MZT2A: variants seen among roughly 807,000 people sequenced by gnomAD.
MZT2A encodes mitotic-spindle organizing protein 2A.
MZT2A carries 8 observed loss-of-function variants against 12.4 expected under a neutral mutation model. That is an observed-to-expected ratio of 0.64 (90% CI 0.38 to 1.16). The LOEUF is 1.16. MZT2A is among the 50% of genes most tolerant of loss of function. The pLI is 0.01. For missense variants in MZT2A, 181 were observed against 223.6 expected (o/e 0.81, Z 1.22); for synonymous variants, 88 against 107.5 (o/e 0.82, Z 1.12).
Position 131,488,857 on chromosome 2 carries a change from G to A in MZT2A, c.319+3019C>T, listed in dbSNP as rs1679165201. 3.3e-5 allele frequency among the ~76,000 whole-genome samples: 5 copies of A among 152,078 alleles called. No individual in the cohort carries two copies. The South Asian group carries it at 1.0e-3, about 32-fold the overall frequency. ...CCCTCGAGAAACAAATGACCCTGAG[G>A]GGCCCAGCACTCCAGGCCACTCCTG... On this transcript the variant is annotated intron_variant, in intron 2 of 2. Transcript: ENST00000309451.
chr2:131,487,939 G>C (rs1038767793), intron 2 of MZT2A, among the ~76,000 whole-genome samples: 1 of 147,140 alleles, frequency 6.8e-6, no homozygotes, highest in Non-Finnish European at 1.5e-5. Context: ...GCTAATTTTT[G>C]TATGTTTTGT....
upstream of MZT2A, chr2:131,492,790 T>C (rs1239863399): frequency 3.6e-4 from 236 of 663,394 alleles, 2 homozygotes; most frequent in Non-Finnish European, 4.8e-4. Context: ...TCGGGGGGGG[T>C]GGGGGGCACT....
intron 2 of MZT2A, chr2:131,490,630 C>G: frequency 6.5e-7 from 1 of 1,548,782 alleles, no homozygotes. Flanking sequence ...CAGCTCAAAG[C>G]TGCTTGGGCC....
chr2:131,472,209 A>T (rs1245797363), intron 2 of MZT2A: 1 of 1,279,074 alleles, frequency 7.8e-7, no homozygotes, highest in African/African-American at 1.5e-5. Context: ...AAAAGAGGAA[A>T]TAATTTGTGT....
chr2:131,480,789 G>C, downstream of MZT2A: 1 of 1,562,314 alleles, frequency 6.4e-7, no homozygotes, highest in African/African-American at 1.3e-5. Flanking sequence ...GCAAGCAGCA[G>C]ATGCACAAAA....
chr2:131,473,461 G>A (rs1678535456), intron 2 of MZT2A, among the ~76,000 whole-genome samples: 1 of 149,896 alleles, frequency 6.7e-6, no homozygotes, highest in Admixed American at 6.6e-5. Flanking sequence ...CTCCTCTCAG[G>A]AGGGAAAGTT....
rs780848305 is a variant in MZT2A at position 131,491,876 on chromosome 2, C to G, written c.319G>C (p.Gly107Arg). The G allele has an allele frequency of 1.3e-3, 1,963 of 1,487,642 alleles. 11 individuals are homozygous for G. The highest frequency in any genetic ancestry group is 1.4e-3 in the Middle Eastern group (6 of 4,158). The allele number at this position is 1,487,642 out of a possible 1,614,324, so 92.2% of individuals were successfully genotyped here. Residue 107 changes from glycine (G) to arginine (R), a missense_variant and splice_region_variant, in exon 2 of 3, where the codon GGG becomes CGG. Coordinates refer to ENST00000309451, the MANE Select transcript of MZT2A (RefSeq NM_001085365.2). ...LPTSSVPETR[G>R]RDKGSAALGG... ...CAGGGACAGCGGGCCCAGCTCTGACCTCGGGTCTCGGGCACGCTCGACGTG... is the reference window on the plus strand; with the variant it reads ...CAGGGACAGCGGGCCCAGCTCTGACGTCGGGTCTCGGGCACGCTCGACGTG...
rs913992458 is a variant in MZT2A at position 131,484,300 on chromosome 2, A to C, written c.320-82T>G. ...CTGCTGTACTCGTGCTCCTTGGGCA[A>C]CATTTGTGTCTACACATTTCCATCA... On this transcript the variant is annotated intron_variant, in intron 2 of 2. Transcript: ENST00000309451. 1.4e-5 allele frequency: 22 copies of C among 1,565,630 alleles called. No homozygotes were observed. The Admixed American group carries it at 1.8e-4, about 13-fold the overall frequency.
chr2:131,482,763 A>C, downstream of MZT2A: 1 of 1,614,168 alleles, frequency 6.2e-7, no homozygotes, highest in Non-Finnish European at 8.5e-7. Context: ...GAGGCCCGCG[A>C]GGACCTGGCA....
chr2:131,473,666 G>A lies in MZT2A; in HGVS notation c.279-1484C>T, dbSNP rs141692596. Among the ~76,000 whole-genome samples, 149 of 142,140 alleles carry A rather than the reference G, an allele frequency of 1.0e-3. 32 individuals are homozygous for A. Among genetic ancestry groups the A allele is most frequent in the African/African-American group, 4.4e-3 (145 of 32,890 alleles). 93.2% of individuals were successfully genotyped at this position (142,140 alleles called of 152,430 possible). On this transcript the variant is annotated intron_variant and NMD_transcript_variant, in intron 2 of 4. Transcript: ENST00000427024. ...GTAGTCCCACCCTACAAGGAAGGCT[G>A]AGGCTGGGGGATCACTTGAGCCCAG...
At chr2:131,480,323 T>C (rs1429887582), downstream of MZT2A, 1 of 1,612,912 alleles carries the variant, frequency 6.2e-7, no homozygotes, top group Non-Finnish European at 8.5e-7. Flanking sequence ...AAGCCATCTA[T>C]GACATATGTC....
chr2:131,482,454 G>A (rs865820624), downstream of MZT2A: 81 of 1,504,802 alleles, frequency 5.4e-5, no homozygotes, highest in Non-Finnish European at 4.1e-5. Context: ...AGCATTCTCC[G>A]TGTCACCTAC....
At chr2:131,492,952 C>G (rs907004543), upstream of MZT2A, 39 of 1,525,520 alleles carry the variant, frequency 2.6e-5, no homozygotes, top group Non-Finnish European at 3.1e-5. Context: ...ATTTCCCCTC[C>G]CTGGCCGGCC....
In MZT2A at chr2:131,484,183, A is replaced by G; in HGVS notation, c.355T>C (p.Leu119=). 6.2e-7 allele frequency: 1 copy of G among 1,614,052 alleles called. No individual in the cohort carries two copies. Among genetic ancestry groups the G allele is most frequent in the South Asian group, 1.1e-5 (1 of 91,084 alleles). ...DKGSAALGGV[L]ALAERSNHEG... is the part of the protein sequence containing the mutation. The stretch of plus-strand genomic sequence containing the variant: ...TGGTTGCTGCGTTCCGCCAGGGCCA[A>G]TACTCCCCCGAGGGCAGCGCTGCCT... The change falls in exon 3 of 3, where the codon TTG becomes CTG. Residue 119 remains leucine (L), a synonymous_variant. Transcript: ENST00000309451.
chr2:131,492,897 C>G (rs1299656474), upstream of MZT2A: 1 of 1,510,788 alleles, frequency 6.6e-7, no homozygotes, highest in African/African-American at 1.4e-5. Context: ...AACGCAGGCG[C>G]ATTCAGCTAA....
chr2:131,491,850 G>A, intron 2 of MZT2A, 26 bp downstream of exon 2: 2 of 1,403,700 alleles, frequency 1.4e-6, no homozygotes, highest in South Asian at 2.8e-5. Context: ...CGCCACTGGG[G>A]CAGGGACAGC....
downstream of MZT2A, chr2:131,480,359 CACGT>C: frequency 6.2e-7 from 1 of 1,609,848 alleles, no homozygotes; most frequent in Non-Finnish European, 8.5e-7. Flanking sequence ...TTGAACGTCC[CACGT>C]ACACCAACCT....
chr2:131,482,876 C>T, downstream of MZT2A: 1 of 1,599,974 alleles, frequency 6.3e-7, no homozygotes, highest in Non-Finnish European at 8.5e-7. Flanking sequence ...TTCTCCCCTG[C>T]CACCCCCGGG....
At chr2:131,477,196 C>T (rs1160927318) in intron 2 of MZT2A, among the ~76,000 whole-genome samples, 1 of 151,636 alleles carries the variant, frequency 6.6e-6, no homozygotes, top group African/African-American at 2.4e-5. Flanking sequence ...TGCCACCACA[C>T]CTGGCTAATT....
Sources: allele counts gnomAD v4.1 joint callset (sites outside exome capture counted in the v4.1 genomes callset), GRCh38; gene constraint gnomAD v4.1.1; transcripts MANE v1.5; gene names NCBI Gene and HGNC (gene_info 2026-07-23, HGNC 2026-07-21).